LRP1B: variants seen among roughly 807,000 people sequenced by gnomAD.
LRP1B encodes the protein LDL receptor related protein 1B.
Under a neutral mutation model 556.6 loss-of-function variants are expected in LRP1B, and 217 were observed. The ratio of observed to expected loss-of-function variants is 0.39; its 90% CI spans 0.35 to 0.44. The LOEUF (loss-of-function observed/expected upper bound fraction) is 0.44. Ranked by LOEUF, LRP1B falls within the 20% of genes least tolerant of loss-of-function variation. The pLI, the probability that LRP1B is intolerant of heterozygous loss-of-function variation, is 1.00. For missense variants in LRP1B, 5,053 were observed against 5,620.8 expected, an observed-to-expected ratio of 0.90 and a Z score of 3.23; for synonymous variants, 2,047 against 1,865.8, an observed-to-expected ratio of 1.10 and a Z score of -2.50.
chr2:142,114,044 CT>C (rs1202471169), intron 1 of LRP1B, among the ~76,000 whole-genome samples: 1 of 152,120 alleles, frequency 6.6e-6, no homozygotes, highest in African/African-American at 2.4e-5. Context: ...TTCACTATAT[CT>C]AGCATCTACT....
intron 41 of LRP1B, among the ~76,000 whole-genome samples, chr2:140,603,363 A>C (rs115751509): frequency 6.6e-6 from 1 of 152,224 alleles, no homozygotes; most frequent in Non-Finnish European, 1.5e-5. Flanking sequence ...TTAAATCATT[A>C]ATTAATAAAT....
intron 47 of LRP1B, among the ~76,000 whole-genome samples, chr2:140,526,621 A>C (rs574921566): frequency 7.1e-4 from 106 of 150,050 alleles, no homozygotes; most frequent in Non-Finnish European, 1.2e-3. Flanking sequence ...TCACTAACTA[A>C]ATGTAAGCTC....
At chr2:141,314,871 TATAC>T (rs1686955668) in intron 3 of LRP1B, among the ~76,000 whole-genome samples, 2 of 140,490 alleles carry the variant, frequency 1.4e-5, no homozygotes, top group Admixed American at 7.2e-5. Context: ...TATATACATA[TATAC>T]ATACATATAT....
At chr2:141,590,262 A>T (rs559417919) in intron 2 of LRP1B, among the ~76,000 whole-genome samples, 2 of 152,318 alleles carry the variant, frequency 1.3e-5, no homozygotes, top group Admixed American at 1.3e-4. Flanking sequence ...ATAACATGAA[A>T]CATATGAACT....
In LRP1B at chr2:141,462,890, A is replaced by G. The variant is rs1201804200; in HGVS notation, c.343+17506T>C. ...TAAGTATGAATGGCTATTATATCAT[A>G]AAACATGATCATAAACAATAGCAAT... On this transcript the variant is annotated intron_variant, in intron 3 of 90. Coordinates refer to ENST00000389484, the MANE Select transcript of LRP1B (RefSeq NM_018557.3). 5.9e-5 allele frequency among the ~76,000 whole-genome samples: 9 copies of G among 152,346 alleles called. No homozygotes were observed. In the East Asian group the frequency reaches 1.2e-3, roughly 20 times the overall value.
intron 35 of LRP1B, among the ~76,000 whole-genome samples, chr2:140,737,066 A>T (rs1476054102): frequency 6.6e-6 from 1 of 152,174 alleles, no homozygotes; most frequent in Non-Finnish European, 1.5e-5. Flanking sequence ...CAAAAAAATA[A>T]ACAAGGGAAG....
chr2:141,154,567 T>C (rs551412563), intron 7 of LRP1B, among the ~76,000 whole-genome samples: 3 of 152,004 alleles, frequency 2.0e-5, no homozygotes, highest in African/African-American at 7.2e-5. Context: ...GAATACTCTT[T>C]AGGGAGAATA....
intron 1 of LRP1B, among the ~76,000 whole-genome samples, chr2:142,072,710 AATG>A: frequency 6.6e-6 from 1 of 152,080 alleles, no homozygotes; most frequent in African/African-American, 2.4e-5. Flanking sequence ...CCCTGACTTA[AATG>A]ATTACACTAT....
chr2:141,171,908 GA>G (rs932215530), intron 7 of LRP1B, among the ~76,000 whole-genome samples: 1 of 152,060 alleles, frequency 6.6e-6, no homozygotes, highest in African/African-American at 2.4e-5. Context: ...TTGCTCTTCA[GA>G]TTATTCTCCT....
intron 14 of LRP1B, among the ~76,000 whole-genome samples, chr2:141,010,951 GGTGTGT>G (rs71995663): frequency 5.4e-4 from 78 of 144,616 alleles, no homozygotes; most frequent in East Asian, 2.0e-3. Flanking sequence ...CTTGTCAGAT[GGTGTGT>G]GTGTGTGTGT....
chr2:141,915,519 C>G (rs1700008334), intron 1 of LRP1B, among the ~76,000 whole-genome samples: 1 of 152,032 alleles, frequency 6.6e-6, no homozygotes, highest in South Asian at 2.1e-4. Context: ...TGGACTTTGG[C>G]CTTGGGAACA....
intron 2 of LRP1B, among the ~76,000 whole-genome samples, chr2:141,537,016 G>GA (rs59400073): frequency 0.018 from 2,598 of 148,088 alleles, 36 homozygotes; most frequent in Non-Finnish European, 0.025. Flanking sequence ...TAGGAAAAAG[G>GA]AAAAAAAAAA....
chr2:141,111,721 C>T (rs966877713), intron 7 of LRP1B, among the ~76,000 whole-genome samples: 5 of 152,222 alleles, frequency 3.3e-5, no homozygotes, highest in Admixed American at 6.5e-5. Context: ...TCTCAAGACC[C>T]CTCTCTTTGC....
intron 18 of LRP1B, among the ~76,000 whole-genome samples, chr2:140,973,309 A>T (rs1696492498): frequency 6.6e-6 from 1 of 151,892 alleles, no homozygotes. Flanking sequence ...TAAAGCTTCA[A>T]AAGTTAGGCT....
chr2:141,564,873 A>G (rs1686276980), intron 2 of LRP1B, among the ~76,000 whole-genome samples: 1 of 152,090 alleles, frequency 6.6e-6, no homozygotes. Context: ...ATCTGGTAAT[A>G]AGGGTTTTTA....
chr2:140,998,975 G>A (rs1337371642), intron 15 of LRP1B, among the ~76,000 whole-genome samples: 2 of 151,992 alleles, frequency 1.3e-5, no homozygotes, highest in Non-Finnish European at 2.9e-5. Flanking sequence ...AGTAATGAGA[G>A]GTTAGTGGCA....
intron 1 of LRP1B, among the ~76,000 whole-genome samples, chr2:142,048,851 A>G (rs12619411): frequency 0.22 from 33,132 of 151,980 alleles, 3,859 homozygotes; most frequent in South Asian, 0.45. Flanking sequence ...GAGAAGATTC[A>G]TGTCTTTATT....
intron 27 of LRP1B, among the ~76,000 whole-genome samples, chr2:140,860,975 CATCT>C (rs35339728): frequency 0.24 from 35,056 of 145,752 alleles, 4,156 homozygotes; most frequent in South Asian, 0.31. Context: ...GAGAATTGTG[CATCT>C]ATCTATCTAT....
rs1308406353 is a variant in LRP1B at position 140,619,584 on chromosome 2, C to G, written c.6800-17945G>C. Among the ~76,000 whole-genome samples, 5 of 152,112 alleles carry G rather than the reference C, an allele frequency of 3.3e-5. No homozygotes were observed. In the East Asian group the frequency reaches 9.6e-4, roughly 29 times the overall value. ...TGACTGAGTGACCAAGTGGGAGTCC[C>G]CGTATAACCTTGTTTCTCATTTATA... On this transcript the variant is annotated intron_variant, in intron 41 of 90. Coordinates refer to ENST00000389484, the MANE Select transcript of LRP1B (RefSeq NM_018557.3).
Sources: gnomAD v4.1 joint callset for allele counts (sites outside exome capture counted in the v4.1 genomes callset) on GRCh38, gnomAD v4.1.1 for gene constraint, MANE v1.5 for transcripts, NCBI Gene and HGNC (gene_info 2026-07-23, HGNC 2026-07-21) for gene names.